The following SLC71A1 variants were observed in gnomAD, a reference collection of about 807,000 sequenced individuals.
SLC71A1 encodes solute carrier family 71 member 1.
the SLC71A1 span, among the ~76,000 whole-genome samples, chr1:100,062,914 TAAAAAAA>T: frequency 2.6e-5 from 3 of 116,180 alleles, no homozygotes; most frequent in African/African-American, 9.9e-5. Flanking sequence ...TGTCTCTATT[TAAAAAAA>T]AAAAAAAAAA....
the SLC71A1 span, among the ~76,000 whole-genome samples, chr1:100,048,212 TC>T: frequency 7.3e-6 from 1 of 137,848 alleles, no homozygotes; most frequent in African/African-American, 2.8e-5. Flanking sequence ...TTTCAGAGTC[TC>T]TGTCGCCCAG....
chr1:100,038,216 G>T, the SLC71A1 span: 4 of 1,551,400 alleles, frequency 2.6e-6, no homozygotes, highest in Admixed American at 3.9e-5. Flanking sequence ...GCAGCGCCAG[G>T]AATCGAGGAT....
chr1:100,040,998 C>T, the SLC71A1 span, among the ~76,000 whole-genome samples: 432 of 152,242 alleles, frequency 2.8e-3, 3 homozygotes, highest in African/African-American at 0.01. Flanking sequence ...CTGATTTGAT[C>T]CCCCTTCTGA....
At chr1:100,082,264 T>G in the SLC71A1 span, 1 of 1,313,062 alleles carries the variant, frequency 7.6e-7, no homozygotes, top group Non-Finnish European at 1.1e-6. Context: ...TTTTCACCTC[T>G]AGTTCTGGAT....
chr1:100,040,608 G>A, the SLC71A1 span, among the ~76,000 whole-genome samples: 12 of 151,966 alleles, frequency 7.9e-5, no homozygotes, highest in African/African-American at 2.4e-4. Flanking sequence ...CTACAGGCAC[G>A]TGCCACCATG....
chr1:100,059,023 T>C, the SLC71A1 span, among the ~76,000 whole-genome samples: 25 of 152,042 alleles, frequency 1.6e-4, no homozygotes, highest in African/African-American at 5.5e-4. Flanking sequence ...ATCTCAATGA[T>C]TTTGTAAGAC....
chr1:100,038,425 C>T, the SLC71A1 span: 1 of 896,600 alleles, frequency 1.1e-6, no homozygotes, highest in African/African-American at 1.7e-5. Flanking sequence ...CTCCCTTCCC[C>T]CACCCTGTCC....
the SLC71A1 span, chr1:100,068,513 T>A: frequency 6.2e-7 from 1 of 1,614,092 alleles, no homozygotes; most frequent in Non-Finnish European, 8.5e-7. Flanking sequence ...GTGCTGCTGA[T>A]CTGCATTACA....
At chr1:100,068,188 C>T in the SLC71A1 span, 3 of 1,613,452 alleles carry the variant, frequency 1.9e-6, no homozygotes, top group Non-Finnish European at 2.5e-6. Flanking sequence ...CAAGCTGACC[C>T]TTTTGCGGTA....
the SLC71A1 span, among the ~76,000 whole-genome samples, chr1:100,045,325 A>T: frequency 6.6e-6 from 1 of 152,044 alleles, no homozygotes; most frequent in Admixed American, 6.6e-5. Flanking sequence ...TAGCAGTGCT[A>T]TTGATTTGTG....
the SLC71A1 span, among the ~76,000 whole-genome samples, chr1:100,056,212 C>A: frequency 1.2e-3 from 187 of 152,270 alleles, no homozygotes; most frequent in African/African-American, 4.4e-3. Context: ...TGCTCTGTCT[C>A]CATGAGTTCA....
the SLC71A1 span, chr1:100,038,286 CAAG>C: frequency 2.6e-6 from 4 of 1,559,886 alleles, no homozygotes; most frequent in Non-Finnish European, 2.6e-6. Context: ...TCATGCTGGC[CAAG>C]AAGATCATCA....
chr1:100,082,340 C>T, the SLC71A1 span: 8 of 693,706 alleles, frequency 1.2e-5, no homozygotes, highest in South Asian at 1.9e-5. Flanking sequence ...GCATGAACTC[C>T]GTGGGAACTA....
At chr1:100,054,905 A>C in the SLC71A1 span, among the ~76,000 whole-genome samples, 4 of 152,194 alleles carry the variant, frequency 2.6e-5, no homozygotes, top group Non-Finnish European at 5.9e-5. Context: ...CTTTGGAGAA[A>C]AAAGTTAGGT....
At chr1:100,071,296 AAAAAAAAAAAAAAAAAAAAAG>A in the SLC71A1 span, among the ~76,000 whole-genome samples, 1 of 137,046 alleles carries the variant, frequency 7.3e-6, no homozygotes, top group African/African-American at 3.2e-5. Flanking sequence ...TACCAAAAAA[AAAAAAAAAAAAAAAAAAAAAG>A]AAAGAAAGCC....
chr1:100,042,391 G>T, the SLC71A1 span, among the ~76,000 whole-genome samples: 1 of 151,598 alleles, frequency 6.6e-6, no homozygotes, highest in Non-Finnish European at 1.5e-5. Context: ...TTTTTTCTTG[G>T]CATCCCTGAT....
chr1:100,040,165 G>T, the SLC71A1 span, among the ~76,000 whole-genome samples: 7,061 of 152,170 alleles, frequency 0.046, 190 homozygotes, highest in African/African-American at 0.068. Flanking sequence ...GCTTTGTTTT[G>T]TATGTTTGGA....
the SLC71A1 span, among the ~76,000 whole-genome samples, chr1:100,066,348 A>T: frequency 6.6e-6 from 1 of 152,204 alleles, no homozygotes; most frequent in Non-Finnish European, 1.5e-5. Context: ...TCACAGTGAA[A>T]TTGGATTTCC....
chr1:100,069,565 G>A, the SLC71A1 span: 1 of 1,142,506 alleles, frequency 8.8e-7, no homozygotes, highest in Non-Finnish European at 1.3e-6. Flanking sequence ...TTTTCTATCT[G>A]GTATACATTT....
Sources: gnomAD v4.1 joint callset for allele counts (sites outside exome capture counted in the v4.1 genomes callset) on GRCh38, gnomAD v4.1.1 for gene constraint, MANE v1.5 for transcripts, NCBI Gene and HGNC (gene_info 2026-07-23, HGNC 2026-07-21) for gene names.